The following PLEKHA7 variants were observed in gnomAD, a reference collection of about 807,000 sequenced individuals.
The protein encoded by PLEKHA7 is pleckstrin homology domain containing A7.
In PLEKHA7, 104 loss-of-function variants were observed where a neutral mutation model predicts 170.0. That is an observed-to-expected ratio of 0.61 (90% CI 0.52 to 0.72). PLEKHA7 has a LOEUF of 0.72. PLEKHA7 is among the 30% of genes least tolerant of loss of function. The probability of loss-of-function intolerance (pLI) is 0.00; values close to 1 mark genes in which losing one functional copy is unlikely to be tolerated. For synonymous variants in PLEKHA7, 648 were observed against 660.8 expected, an observed-to-expected ratio of 0.98 and a Z score of 0.30; for missense variants, 1,615 against 1,671.7, an observed-to-expected ratio of 0.97 and a Z score of 0.59.
intron 4 of PLEKHA7, among the ~76,000 whole-genome samples, chr11:16,864,718 T>A (rs1366225809): frequency 1.3e-5 from 2 of 152,210 alleles, no homozygotes; most frequent in African/African-American, 4.8e-5. Flanking sequence ...GTGACTTTGC[T>A]CCTTATTTGC....
chr11:17,011,874 G>A lies in PLEKHA7; in HGVS notation c.221+2115C>T, dbSNP rs146232490. Among the ~76,000 whole-genome samples, 605 of 152,146 alleles carry A rather than the reference G, an allele frequency of 4.0e-3. 6 individuals carry two copies. Among genetic ancestry groups the A allele is most frequent in the African/African-American group, 0.013 (522 of 41,506 alleles). ...TCATGATTCTCCTCCACCCCAAACCGGCTCTTCCCATCTCAACGATATGAA... is the reference window on the plus strand; with the variant it reads ...TCATGATTCTCCTCCACCCCAAACCAGCTCTTCCCATCTCAACGATATGAA... On this transcript the variant is annotated intron_variant, in intron 3 of 26. Transcript: ENST00000531066.
rs551819503 is a variant in PLEKHA7 at position 16,986,584 on chromosome 11, T to C, written c.221+27405A>G. 1.8e-4 allele frequency among the ~76,000 whole-genome samples: 27 copies of C among 152,134 alleles called. No homozygotes were observed. In the South Asian group the frequency reaches 5.0e-3, roughly 28 times the overall value. ...AGTCAGGGGAGAGAAACCATAAAAA[T>C]TGCTCACTATTTATTTCACTTTCAC... is the stretch of plus-strand genomic sequence containing the variant. On this transcript the variant is annotated intron_variant, in intron 3 of 26. Transcript: ENST00000531066.
At chr11:16,913,403 C>A (rs1444435209) in intron 3 of PLEKHA7, among the ~76,000 whole-genome samples, 3 of 152,176 alleles carry the variant, frequency 2.0e-5, no homozygotes, top group Non-Finnish European at 4.4e-5. Context: ...CTGGTGTTAT[C>A]AGCAGCAACT....
intron 3 of PLEKHA7, among the ~76,000 whole-genome samples, chr11:17,006,781 C>T (rs7947297): frequency 0.64 from 96,499 of 151,950 alleles, 31,289 homozygotes; most frequent in East Asian, 0.96. Flanking sequence ...AGAAGACTGT[C>T]GGTTGGGTGA....
intron 7 of PLEKHA7, 104 bp from the exon 8 acceptor site, chr11:16,851,395 A>C: frequency 1.5e-6 from 1 of 676,468 alleles, no homozygotes; most frequent in African/African-American, 1.8e-5. Context: ...CTCCCCTTGT[A>C]ATGTCCATCC....
chr11:16,940,364 T>C (rs1860607769), intron 3 of PLEKHA7, among the ~76,000 whole-genome samples: 2 of 144,010 alleles, frequency 1.4e-5, no homozygotes, highest in Admixed American at 1.4e-4. Context: ...CTGGGCTCAC[T>C]GAAACCTCTG....
chr11:16,891,962 G>A (rs1292962600), intron 3 of PLEKHA7, among the ~76,000 whole-genome samples: 1 of 152,202 alleles, frequency 6.6e-6, no homozygotes, highest in Non-Finnish European at 1.5e-5. Flanking sequence ...ATTGAACTAG[G>A]ATCAGTGGGT....
At chr11:16,857,241 G>A (rs529448512) in intron 4 of PLEKHA7, among the ~76,000 whole-genome samples, 2 of 152,370 alleles carry the variant, frequency 1.3e-5, no homozygotes, top group African/African-American at 4.8e-5. Flanking sequence ...AGCAATGCCA[G>A]CAGCAGGACC....
At chr11:16,995,615 C>G (rs1246459683) in intron 3 of PLEKHA7, among the ~76,000 whole-genome samples, 12 of 152,126 alleles carry the variant, frequency 7.9e-5, no homozygotes, top group Admixed American at 7.9e-4. Context: ...ATTTGCTTTG[C>G]CGGCTCCCTG....
At chr11:16,936,176 CG>C (rs1242255947) in intron 3 of PLEKHA7, among the ~76,000 whole-genome samples, 2 of 151,706 alleles carry the variant, frequency 1.3e-5, no homozygotes, top group Non-Finnish European at 2.9e-5. Context: ...CCGAGGTGGG[CG>C]GATCACAGGG....
Position 16,828,846 on chromosome 11 carries a change from G to A in PLEKHA7, c.873-2256C>T, listed in dbSNP as rs141351356. ...AGTTAGCCCTGGGACTTGGGTTGGA[G>A]CTGCTGCAACTATGTGGGAAGGCAC... On this transcript the variant is annotated intron_variant, in intron 9 of 26. Coordinates refer to ENST00000531066, the MANE Select transcript of PLEKHA7 (RefSeq NM_001329630.2). 7.6e-4 allele frequency among the ~76,000 whole-genome samples: 115 copies of A among 152,298 alleles called. 1 individual carries two copies. The highest frequency in any genetic ancestry group is 2.7e-3 in the African/African-American group (111 of 41,564).
intron 8 of PLEKHA7, 34 bp downstream of exon 8, chr11:16,851,153 TAGAC>T (rs1471203052): frequency 6.7e-7 from 1 of 1,487,110 alleles, no homozygotes. Flanking sequence ...CACAGTTTCT[TAGAC>T]AGAATGGCTG....
intron 4 of PLEKHA7, among the ~76,000 whole-genome samples, chr11:16,856,237 G>C (rs775148633): frequency 2.0e-5 from 3 of 152,196 alleles, no homozygotes; most frequent in Non-Finnish European, 2.9e-5. Flanking sequence ...TGCCCCATCT[G>C]ATGGGCATGC....
In PLEKHA7 at chr11:16,870,303, A is replaced by C. The variant is rs57012053; in HGVS notation, c.305+796T>G. Among the ~76,000 whole-genome samples the C allele has an allele frequency of 2.4e-4, 36 of 151,960 alleles. 1 individual carries two copies. In the East Asian group the frequency reaches 4.8e-3, roughly 20 times the overall value. ...GGGTACACCCCCTACCCCCACCCCC[A>C]CACACACACTACACACACACATTTT... is the stretch of plus-strand genomic sequence containing the variant. On this transcript the variant is annotated intron_variant, in intron 4 of 26. Transcript: ENST00000531066.
chr11:16,868,110 T>G (rs1854536453), intron 4 of PLEKHA7, among the ~76,000 whole-genome samples: 1 of 152,130 alleles, frequency 6.6e-6, no homozygotes. Context: ...TTAAACCACA[T>G]CCCTTCCCAG....
In PLEKHA7 at chr11:16,855,829, T is replaced by C; in HGVS notation, c.391A>G (p.Thr131Ala). 6.2e-7 allele frequency: 1 copy of C among 1,613,650 alleles called. No individual in the cohort carries two copies. Among genetic ancestry groups the C allele is most frequent in the Non-Finnish European group, 8.5e-7 (1 of 1,179,722 alleles). The change falls in exon 5 of 27, where the codon ACC (threonine) becomes GCC (alanine). Residue 131 changes from threonine (T) to alanine (A), a missense_variant. Transcript: ENST00000531066. The stretch of plus-strand genomic sequence containing the variant: ...TTGGGTCCAGGCTTGGCCTCCAGGG[T>C]GGAGGCGGTCCCAGCCGTGGATGTT... ...SETSTAGTAS[T>A]LEAKPGPKII...
chr11:16,796,353 T>A (rs1460494288), intron 17 of PLEKHA7, among the ~76,000 whole-genome samples: 1 of 152,224 alleles, frequency 6.6e-6, no homozygotes, highest in Non-Finnish European at 1.5e-5. Flanking sequence ...GAAGTGCTGA[T>A]GCATGCTACA....
chr11:16,896,611 C>A (rs1015497787), intron 3 of PLEKHA7, among the ~76,000 whole-genome samples: 3 of 152,186 alleles, frequency 2.0e-5, no homozygotes, highest in Admixed American at 6.5e-5. Flanking sequence ...ACCCACCCAC[C>A]CACATATTCC....
chr11:16,918,522 A>G (rs539089308), intron 3 of PLEKHA7, among the ~76,000 whole-genome samples: 2 of 152,356 alleles, frequency 1.3e-5, no homozygotes, highest in South Asian at 4.1e-4. Context: ...CTTTCTCAAT[A>G]TATACACATC....
Sources: allele counts gnomAD v4.1 joint callset (sites outside exome capture counted in the v4.1 genomes callset), GRCh38; gene constraint gnomAD v4.1.1; transcripts MANE v1.5; gene names NCBI Gene and HGNC (gene_info 2026-07-23, HGNC 2026-07-21).